AGMO: variants seen among roughly 807,000 people sequenced by gnomAD.
AGMO encodes glyceryl-ether monooxygenase.
Under a neutral mutation model 60.2 loss-of-function variants are expected in AGMO, and 75 were observed. The observed-to-expected ratio is 1.25, with a 90% CI of 1.03 to 1.51. The LOEUF (loss-of-function observed/expected upper bound fraction) is 1.51, where lower values mean the gene tolerates loss of function less well. Ranked by LOEUF, AGMO falls within the 40% of genes most tolerant of loss-of-function variation. The pLI, the probability that AGMO is intolerant of heterozygous loss-of-function variation, is 0.00. For missense variants in AGMO, 763 were observed against 525.5 expected (o/e 1.45, Z -4.42); for synonymous variants, 261 against 177.1 (o/e 1.47, Z -3.76).
chr7:15,430,217 G>C (rs529664110), intron 4 of AGMO, among the ~76,000 whole-genome samples: 1 of 151,924 alleles, frequency 6.6e-6, no homozygotes, highest in South Asian at 2.1e-4. Flanking sequence ...CCACGGAAAT[G>C]TTTGACCATT....
At chr7:15,226,956 G>C (rs533120428) in intron 12 of AGMO, among the ~76,000 whole-genome samples, 1 of 152,100 alleles carries the variant, frequency 6.6e-6, no homozygotes, top group African/African-American at 2.4e-5. Context: ...GAGAAAAGAA[G>C]AGAAAGACTC....
At chr7:15,318,040 C>A (rs1239035032) in intron 12 of AGMO, among the ~76,000 whole-genome samples, 1 of 146,772 alleles carries the variant, frequency 6.8e-6, no homozygotes, top group African/African-American at 2.5e-5. Flanking sequence ...GTATCTTGCT[C>A]TATCACCCAG....
chr7:15,202,415 TGAATGAG>T (rs1781315147), intron 12 of AGMO, among the ~76,000 whole-genome samples: 1 of 112,878 alleles, frequency 8.9e-6, no homozygotes, highest in South Asian at 2.7e-4. Context: ...TATTAAAGCA[TGAATGAG>T]GAAAAAACAT....
In AGMO at chr7:15,373,615, C is replaced by T. The variant is rs1783316056; in HGVS notation, c.1075-7393G>A. Among the ~76,000 whole-genome samples the T allele has an allele frequency of 2.0e-5, 3 of 152,164 alleles. No individual in the cohort carries two copies. The South Asian group carries it at 6.2e-4, about 32-fold the overall frequency. ...TAGGGGTCAATACAACCTCCTCTCA[C>T]ATTTCTCCACCAAACAAACCTCACA... On this transcript the variant is annotated intron_variant, in intron 10 of 12. Transcript: ENST00000342526.
intron 5 of AGMO, among the ~76,000 whole-genome samples, chr7:15,412,648 G>T (rs1409734702): frequency 2.8e-5 from 4 of 145,004 alleles, no homozygotes; most frequent in Non-Finnish European, 4.5e-5. Flanking sequence ...TGCCACGTGA[G>T]AGGGGCTTTG....
At chr7:15,179,814 T>A in the AGMO span, among the ~76,000 whole-genome samples, 1 of 152,294 alleles carries the variant, frequency 6.6e-6, no homozygotes. Context: ...TTCCATTCTG[T>A]AAGCTTGCAG....
At chr7:15,313,557 A>G (rs1353687126) in intron 12 of AGMO, among the ~76,000 whole-genome samples, 1 of 152,184 alleles carries the variant, frequency 6.6e-6, no homozygotes, top group Non-Finnish European at 1.5e-5. Context: ...GGTTCTGGCA[A>G]ACACTAAATG....
chr7:15,547,867 A>C (rs1784832341), intron 2 of AGMO, among the ~76,000 whole-genome samples: 1 of 152,140 alleles, frequency 6.6e-6, no homozygotes, highest in Admixed American at 6.5e-5. Flanking sequence ...GGGGCAGGGC[A>C]CAGACAAACA....
chr7:15,328,078 T>C (rs1421085263), intron 12 of AGMO, among the ~76,000 whole-genome samples: 4 of 151,660 alleles, frequency 2.6e-5, no homozygotes, highest in Admixed American at 2.0e-4. Context: ...GCCTGGTCAA[T>C]ACACTGAGTC....
At chr7:15,178,981 C>T in the AGMO span, among the ~76,000 whole-genome samples, 1 of 151,972 alleles carries the variant, frequency 6.6e-6, no homozygotes, top group Non-Finnish European at 1.5e-5. Context: ...TTATAAGGAG[C>T]CCATTCCTGT....
At chr7:15,392,482 C>G (rs988672243) in intron 6 of AGMO, among the ~76,000 whole-genome samples, 1 of 151,576 alleles carries the variant, frequency 6.6e-6, no homozygotes, top group African/African-American at 2.4e-5. Context: ...CATAAACCAT[C>G]TAAATTAAAA....
chr7:15,398,260 G>A (rs927989423), intron 5 of AGMO, among the ~76,000 whole-genome samples: 2 of 152,146 alleles, frequency 1.3e-5, no homozygotes, highest in Non-Finnish European at 2.9e-5. Flanking sequence ...TTGGAGCCTT[G>A]GCTGAGTGCA....
At chr7:15,131,058 T>C in the AGMO span, among the ~76,000 whole-genome samples, 1 of 152,072 alleles carries the variant, frequency 6.6e-6, no homozygotes, top group East Asian at 1.9e-4. Flanking sequence ...TATTTCTGTG[T>C]GTGTGTGTGT....
chr7:15,354,846 TAAAA>T (rs567710476), intron 12 of AGMO, among the ~76,000 whole-genome samples: 1 of 150,702 alleles, frequency 6.6e-6, no homozygotes, highest in Non-Finnish European at 1.5e-5. Context: ...TTTCTAAAAA[TAAAA>T]ATATATTATA....
At chr7:15,119,205 G>A in the AGMO span, among the ~76,000 whole-genome samples, 6 of 151,652 alleles carry the variant, frequency 4.0e-5, no homozygotes, top group Admixed American at 2.0e-4. Context: ...CCTGGTGAGA[G>A]GTGATTAGAT....
chr7:15,117,320 G>C, the AGMO span, among the ~76,000 whole-genome samples: 5 of 151,902 alleles, frequency 3.3e-5, no homozygotes, highest in Admixed American at 2.0e-4. Context: ...ACTTTATTAG[G>C]ATCATGTAAC....
At chr7:15,428,977 G>A (rs1781149853) in intron 4 of AGMO, among the ~76,000 whole-genome samples, 1 of 151,950 alleles carries the variant, frequency 6.6e-6, no homozygotes, top group South Asian at 2.1e-4. Context: ...TTTTAAGAAG[G>A]GAGGATGAAC....
At chr7:15,260,666 A>C (rs1487777136) in intron 12 of AGMO, among the ~76,000 whole-genome samples, 1 of 152,082 alleles carries the variant, frequency 6.6e-6, no homozygotes, top group Non-Finnish European at 1.5e-5. Flanking sequence ...CAACAAATGG[A>C]CTTGAGATAT....
At chr7:15,318,045 A>G (rs1363259944) in intron 12 of AGMO, among the ~76,000 whole-genome samples, 1 of 148,580 alleles carries the variant, frequency 6.7e-6, no homozygotes, top group Non-Finnish European at 1.5e-5. Flanking sequence ...TTGCTCTATC[A>G]CCCAGGCTGG....
Sources: allele counts gnomAD v4.1 joint callset (sites outside exome capture counted in the v4.1 genomes callset), GRCh38; gene constraint gnomAD v4.1.1; transcripts MANE v1.5; gene names NCBI Gene and HGNC (gene_info 2026-07-23, HGNC 2026-07-21).